HEMK2: variants seen among roughly 807,000 people sequenced by gnomAD.
HEMK2 encodes the protein methyltransferase HEMK2.
the HEMK2 span, among the ~76,000 whole-genome samples, chr21:28,767,872 T>C: frequency 6.6e-6 from 1 of 152,022 alleles, no homozygotes; most frequent in Non-Finnish European, 1.5e-5. Context: ...ACCTGTCTCA[T>C]GGCTGGCAAG....
At chr21:28,826,032 C>G in the HEMK2 span, among the ~76,000 whole-genome samples, 1 of 152,130 alleles carries the variant, frequency 6.6e-6, no homozygotes, top group Non-Finnish European at 1.5e-5. Context: ...AAAAGGGCAC[C>G]CAGAAATATT....
the HEMK2 span, among the ~76,000 whole-genome samples, chr21:28,629,590 A>C: frequency 1.3e-5 from 2 of 152,234 alleles, no homozygotes; most frequent in Non-Finnish European, 2.9e-5. Context: ...GCAGCATGGC[A>C]AGTCCAGAAG....
At chr21:28,781,085 C>A in the HEMK2 span, among the ~76,000 whole-genome samples, 1 of 152,080 alleles carries the variant, frequency 6.6e-6, no homozygotes, top group Non-Finnish European at 1.5e-5. Flanking sequence ...GCTTTATTAT[C>A]TTCATTTTTC....
chr21:28,655,993 G>A, the HEMK2 span, among the ~76,000 whole-genome samples: 6 of 152,064 alleles, frequency 3.9e-5, no homozygotes, highest in African/African-American at 7.2e-5. Flanking sequence ...ATTTGTGCAC[G>A]ATTAGAATCT....
chr21:28,737,555 T>C, the HEMK2 span, among the ~76,000 whole-genome samples: 2 of 152,030 alleles, frequency 1.3e-5, no homozygotes, highest in Non-Finnish European at 2.9e-5. Flanking sequence ...ACTTGTGTTT[T>C]AATGGGTTTT....
chr21:28,812,046 A>G, the HEMK2 span, among the ~76,000 whole-genome samples: 2 of 152,214 alleles, frequency 1.3e-5, no homozygotes, highest in African/African-American at 2.4e-5. Context: ...AACATTTAGG[A>G]AGAGATGTGG....
At chr21:28,648,817 G>A in the HEMK2 span, among the ~76,000 whole-genome samples, 3 of 151,846 alleles carry the variant, frequency 2.0e-5, no homozygotes, top group African/African-American at 7.3e-5. Context: ...TAAGTTTTAG[G>A]GTACATGTGC....
chr21:28,629,368 C>T, the HEMK2 span, among the ~76,000 whole-genome samples: 1 of 152,208 alleles, frequency 6.6e-6, no homozygotes, highest in African/African-American at 2.4e-5. Context: ...CTAGGTTTAG[C>T]GTGGTCACGC....
the HEMK2 span, among the ~76,000 whole-genome samples, chr21:28,829,246 A>G: frequency 6.6e-6 from 1 of 152,202 alleles, no homozygotes; most frequent in Non-Finnish European, 1.5e-5. Flanking sequence ...AAGTCTTGTT[A>G]GTTGTGAGTT....
chr21:28,591,446 C>T, the HEMK2 span, among the ~76,000 whole-genome samples: 4 of 151,922 alleles, frequency 2.6e-5, no homozygotes, highest in Non-Finnish European at 5.9e-5. Flanking sequence ...GAATTTTGCA[C>T]GTCAAGTGAG....
At chr21:28,819,161 T>C in the HEMK2 span, among the ~76,000 whole-genome samples, 3 of 152,088 alleles carry the variant, frequency 2.0e-5, no homozygotes, top group Non-Finnish European at 4.4e-5. Context: ...TAATAGGGTA[T>C]AGAAAAGCCT....
chr21:28,641,680 TGAGA>T, the HEMK2 span, among the ~76,000 whole-genome samples: 1 of 152,234 alleles, frequency 6.6e-6, no homozygotes, highest in African/African-American at 2.4e-5. Context: ...GAACAGGAAC[TGAGA>T]GATTTATTTC....
At chr21:28,740,010 G>C in the HEMK2 span, among the ~76,000 whole-genome samples, 1 of 152,142 alleles carries the variant, frequency 6.6e-6, no homozygotes, top group South Asian at 2.1e-4. Flanking sequence ...AAACAAGTTA[G>C]CAATATTTTT....
the HEMK2 span, among the ~76,000 whole-genome samples, chr21:28,672,097 A>T: frequency 1.3e-5 from 2 of 151,758 alleles, no homozygotes; most frequent in Non-Finnish European, 2.9e-5. Flanking sequence ...TGCAAAGCAA[A>T]CTCCCAAAAA....
chr21:28,879,080 C>CTTTTT, the HEMK2 span, among the ~76,000 whole-genome samples: 6 of 98,642 alleles, frequency 6.1e-5, no homozygotes, highest in African/African-American at 1.5e-4. Context: ...TAGATTGTTT[C>CTTTTT]TTTTTTTTTT....
chr21:28,759,024 C>T, the HEMK2 span, among the ~76,000 whole-genome samples: 31 of 152,280 alleles, frequency 2.0e-4, no homozygotes, highest in African/African-American at 7.0e-4. Flanking sequence ...GATAGGTGCC[C>T]TCTGATGTCC....
chr21:28,752,410 A>G, the HEMK2 span, among the ~76,000 whole-genome samples: 1 of 152,232 alleles, frequency 6.6e-6, no homozygotes, highest in Non-Finnish European at 1.5e-5. Context: ...GACGTTTCTA[A>G]TCAAGGTATG....
chr21:28,621,539 T>C, the HEMK2 span, among the ~76,000 whole-genome samples: 1 of 152,158 alleles, frequency 6.6e-6, no homozygotes, highest in African/African-American at 2.4e-5. Flanking sequence ...TTATTTCACC[T>C]GGGTGCAGGC....
the HEMK2 span, among the ~76,000 whole-genome samples, chr21:28,736,391 T>C: frequency 5.3e-5 from 8 of 152,206 alleles, no homozygotes; most frequent in Non-Finnish European, 1.0e-4. Flanking sequence ...CAGGATACTT[T>C]CACAGTTCTC....
Sources: gnomAD v4.1 joint callset for allele counts (sites outside exome capture counted in the v4.1 genomes callset) on GRCh38, gnomAD v4.1.1 for gene constraint, MANE v1.5 for transcripts, NCBI Gene and HGNC (gene_info 2026-07-23, HGNC 2026-07-21) for gene names.